The following LIMA1 variants were observed in gnomAD, a reference collection of about 807,000 sequenced individuals.
LIMA1 encodes LIM domain and actin binding 1.
A neutral mutation model predicts 62.6 loss-of-function variants in LIMA1; 52 were observed. The observed-to-expected ratio is 0.83, with a 90% confidence interval of 0.67 to 1.05. The LOEUF is 1.05. Ranked by LOEUF, LIMA1 falls within the 50% of genes least tolerant of loss-of-function variation. LIMA1 has a pLI of 0.00. For synonymous variants in LIMA1, 302 were observed against 317.8 expected, an observed-to-expected ratio of 0.95 and a Z score of 0.53; for missense variants, 780 against 902.2, an observed-to-expected ratio of 0.86 and a Z score of 1.74.
intron 9 of LIMA1, chr12:50,188,991 TG>T (rs1345715112): frequency 1.3e-5 from 2 of 152,290 alleles, no homozygotes; most frequent in African/African-American, 4.8e-5. Context: ...AGTAACCCTG[TG>T]GGGTTTGCTA....
chr12:50,190,551 T>G (rs1592500697), intron 9 of LIMA1, among the ~76,000 whole-genome samples: 1 of 119,076 alleles, frequency 8.4e-6, no homozygotes, highest in Admixed American at 8.2e-5. Context: ...TTTTTTTTTT[T>G]GTACTTTTAG....
intron 2 of LIMA1, among the ~76,000 whole-genome samples, chr12:50,233,055 A>C (rs1017180063): frequency 6.6e-6 from 1 of 152,246 alleles, no homozygotes; most frequent in Non-Finnish European, 1.5e-5. Flanking sequence ...CTCTATCAGA[A>C]GAAGCTGTAA....
chr12:50,228,329 G>A (rs1941562908), intron 3 of LIMA1, among the ~76,000 whole-genome samples: 1 of 152,124 alleles, frequency 6.6e-6, no homozygotes. Flanking sequence ...TTAACCCACT[G>A]TCTTGAACCT....
chr12:50,207,900 A>G (rs904945968), intron 4 of LIMA1, among the ~76,000 whole-genome samples: 2 of 151,646 alleles, frequency 1.3e-5, no homozygotes, highest in Admixed American at 1.3e-4. Flanking sequence ...AAAAAAAAAA[A>G]AAAAGAAAAG....
chr12:50,196,422 T>C (rs977643307), intron 7 of LIMA1, among the ~76,000 whole-genome samples: 5 of 152,234 alleles, frequency 3.3e-5, no homozygotes, highest in Non-Finnish European at 2.9e-5. Context: ...ACCTCAGTAT[T>C]ATCTTTGAGG....
At chr12:50,210,764 C>CT (rs1422138989) in intron 4 of LIMA1, among the ~76,000 whole-genome samples, 16 of 152,090 alleles carry the variant, frequency 1.1e-4, no homozygotes, top group South Asian at 4.2e-4. Context: ...GCCCCCTTAC[C>CT]TTTTTTTTGA....
intron 2 of LIMA1, among the ~76,000 whole-genome samples, chr12:50,232,891 G>A (rs1941634172): frequency 1.3e-5 from 2 of 152,214 alleles, no homozygotes; most frequent in Non-Finnish European, 2.9e-5. Flanking sequence ...GGGGGCTGAG[G>A]GACGAGAATC....
intron 1 of LIMA1, among the ~76,000 whole-genome samples, chr12:50,278,720 T>G (rs542229488): frequency 4.9e-4 from 74 of 152,282 alleles, no homozygotes; most frequent in African/African-American, 1.6e-3. Context: ...TAATAAATTA[T>G]TAAATAGATT....
intron 1 of LIMA1, among the ~76,000 whole-genome samples, chr12:50,258,639 CTTTT>C (rs34324226): frequency 1.9e-4 from 13 of 67,400 alleles, no homozygotes; most frequent in African/African-American, 1.0e-3. Flanking sequence ...TCTACCTATA[CTTTT>C]TTTTTTTTTT....
At chr12:50,232,043 C>CTTTTTTTTTT (rs750844822) in intron 2 of LIMA1, among the ~76,000 whole-genome samples, 2 of 83,484 alleles carry the variant, frequency 2.4e-5, no homozygotes, top group African/African-American at 5.3e-5. Context: ...GAGTGCCCAG[C>CTTTTTTTTTT]TTTTTTTTTT....
chr12:50,214,009 TC>T (rs1941301374), intron 4 of LIMA1, among the ~76,000 whole-genome samples: 1 of 99,354 alleles, frequency 1.0e-5, no homozygotes. Context: ...TTACCCTGGA[TC>T]AATTATTATC....
chr12:50,221,322 TTG>T (rs144008064), intron 4 of LIMA1, among the ~76,000 whole-genome samples: 1,798 of 152,286 alleles, frequency 0.012, 46 homozygotes, highest in African/African-American at 0.042. Flanking sequence ...GGCCTCTGGA[TTG>T]TGTTATAAAT....
chr12:50,219,173 A>C (rs972151227), intron 4 of LIMA1, among the ~76,000 whole-genome samples: 3 of 152,180 alleles, frequency 2.0e-5, no homozygotes, highest in Admixed American at 6.5e-5. Flanking sequence ...AGAATACCTG[A>C]CAGAACTGTT....
intron 4 of LIMA1, among the ~76,000 whole-genome samples, chr12:50,209,952 C>G (rs1475665112): frequency 6.6e-6 from 1 of 152,142 alleles, no homozygotes. Flanking sequence ...CGTAAGCCAC[C>G]GCGCCTGGCC....
At chr12:50,200,618 C>T (rs1386333684) in intron 7 of LIMA1, among the ~76,000 whole-genome samples, 159 bp downstream of exon 7, 3 of 152,262 alleles carry the variant, frequency 2.0e-5, no homozygotes, top group African/African-American at 4.8e-5. Context: ...AGCTACTCAA[C>T]TGAAATTATG....
intron 8 of LIMA1, among the ~76,000 whole-genome samples, chr12:50,192,993 T>C (rs1057371353): frequency 7.7e-4 from 81 of 105,134 alleles, no homozygotes; most frequent in Admixed American, 1.4e-3. Flanking sequence ...TGTGTGTGTG[T>C]GTGTGTGTGT....
rs1218640909 is a variant in LIMA1 at position 50,176,286 on chromosome 12, T to A, written c.*778A>T. 1 of 152,118 alleles carries A rather than the reference T, an allele frequency of 6.6e-6. No individual in the cohort carries two copies. The highest frequency in any genetic ancestry group is 1.5e-5 in the Non-Finnish European group (1 of 68,018). 9.4% of individuals were successfully genotyped at this position (152,118 alleles called of 1,614,324 possible). ...AAGGTATTACTAAAATATTGCAGCT[T>A]TCAGTAATTATGAGAAGCACAGATA... On this transcript the variant is annotated 3_prime_UTR_variant, in exon 11 of 11. Coordinates refer to ENST00000341247, the MANE Select transcript of LIMA1 (RefSeq NM_016357.5).
rs753919225 is a variant in LIMA1, at chr12:50,222,429, C to T, written c.222G>A (p.Lys74=). The T allele has an allele frequency of 3.1e-6, 5 of 1,614,120 alleles. No homozygotes were observed. The highest frequency in any genetic ancestry group is 4.2e-6 in the Non-Finnish European group (5 of 1,179,994). Residue 74 remains lysine (K), a synonymous_variant, in exon 4 of 11, where the codon AAG becomes AAA. Coordinates refer to ENST00000341247, the MANE Select transcript of LIMA1 (RefSeq NM_016357.5). ...CTCCCAGCCCTGGGTTCTCCCACTT[C>T]TTCTTTAACACAGTCAGGGTCCCCT... ...FRKGTLTVLK[K]KWENPGLGAE... is the part of the protein sequence containing the mutation.
At chr12:50,250,818 A>C (rs1305806714) in intron 1 of LIMA1, among the ~76,000 whole-genome samples, 1 of 152,172 alleles carries the variant, frequency 6.6e-6, no homozygotes, top group African/African-American at 2.4e-5. Flanking sequence ...CTTAATGAAA[A>C]GTTTCCCTAA....
Sources: gnomAD v4.1 joint callset for allele counts (sites outside exome capture counted in the v4.1 genomes callset) on GRCh38, gnomAD v4.1.1 for gene constraint, MANE v1.5 for transcripts, NCBI Gene and HGNC (gene_info 2026-07-23, HGNC 2026-07-21) for gene names.